The following REV3L variants were observed in gnomAD, a reference collection of about 807,000 sequenced individuals.
The protein encoded by REV3L is REV3 like, DNA directed polymerase zeta catalytic subunit.
REV3L carries 69 observed loss-of-function variants against 299.4 expected under a neutral mutation model. The observed-to-expected ratio is 0.23, with a 90% CI of 0.19 to 0.28. The LOEUF is 0.28. Ranked by LOEUF, REV3L falls within the 10% of genes least tolerant of loss-of-function variation. The pLI, the probability that REV3L is intolerant of heterozygous loss-of-function variation, is 1.00. For synonymous variants in REV3L, 1,238 were observed against 1,271.4 expected (o/e 0.97, Z 0.56); for missense variants, 3,128 against 3,693.8 (o/e 0.85, Z 3.97).
chr6:111,333,002 C>T (rs1775547126), intron 23 of REV3L, 121 bp downstream of exon 23: 2 of 1,099,442 alleles, frequency 1.8e-6, no homozygotes, highest in African/African-American at 3.1e-5. Context: ...AGCTGGGATA[C>T]AGTCCATTTA....
rs756149880 is a variant in REV3L at position 111,375,019 on chromosome 6, A to G, written c.3336T>C (p.Phe1112=). The stretch of plus-strand genomic sequence containing the variant: ...TGGGACTTGTGCTTCTCTCAGAAAG[A>G]AAACCTAGTTTAGACATAACATCAC... ...NYSDVMSKLG[F]LSERSTSPIN... is the part of the protein sequence containing the mutation. The change falls in exon 13 of 32, where the codon TTT becomes TTC. Residue 1112 remains phenylalanine (F), a synonymous_variant. Coordinates refer to ENST00000368802, the MANE Select transcript of REV3L (RefSeq NM_001372078.1). The G allele has an allele frequency of 6.2e-7, 1 of 1,613,722 alleles. No individual in the cohort carries two copies. The highest frequency in any genetic ancestry group is 8.5e-7 in the Non-Finnish European group (1 of 1,179,860).
chr6:111,306,020 A>G (rs1005473268), intron 31 of REV3L, among the ~76,000 whole-genome samples: 6 of 152,226 alleles, frequency 3.9e-5, no homozygotes, highest in East Asian at 1.9e-4. Context: ...CATTTATTCA[A>G]TAAATATTTA....
intron 18 of REV3L, among the ~76,000 whole-genome samples, chr6:111,354,671 C>T (rs1403858918): frequency 1.3e-5 from 2 of 152,084 alleles, no homozygotes; most frequent in Non-Finnish European, 2.9e-5. Flanking sequence ...ATAACAAGGT[C>T]TTGATGACTT....
At chr6:111,326,081 T>C (rs1439184652) in intron 25 of REV3L, among the ~76,000 whole-genome samples, 1 of 152,182 alleles carries the variant, frequency 6.6e-6, no homozygotes, top group Non-Finnish European at 1.5e-5. Context: ...TCCATCCATG[T>C]TTTGCAAATG....
chr6:111,380,008 A>T lies in REV3L; in HGVS notation c.1428T>A (p.Asn476Lys). 6.2e-7 allele frequency: 1 copy of T among 1,613,162 alleles called. No homozygotes were observed. The highest frequency in any genetic ancestry group is 8.5e-7 in the Non-Finnish European group (1 of 1,179,278). The change falls in exon 11 of 32, where the codon AAT becomes AAA. Residue 476 changes from asparagine (N) to lysine (K), a missense_variant. Transcript: ENST00000368802. ...TCTTTTTGGCACAATGTTCTTCAAT[A>T]TTGCTGTCCCATCTCTGGGACATCA... ...SLVMSQRWDSNIEEHCAKKRS... is the reference protein window; with the variant it reads ...SLVMSQRWDSKIEEHCAKKRS...
At chr6:111,317,852 A>G (rs1188090760) in intron 26 of REV3L, among the ~76,000 whole-genome samples, 2 of 152,186 alleles carry the variant, frequency 1.3e-5, no homozygotes, top group East Asian at 1.9e-4. Flanking sequence ...GTACTCTTTT[A>G]TATCTGTCTT....
At chr6:111,463,014 A>G (rs1197906320) in intron 1 of REV3L, among the ~76,000 whole-genome samples, 1 of 152,134 alleles carries the variant, frequency 6.6e-6, no homozygotes, top group Non-Finnish European at 1.5e-5. Flanking sequence ...GAATGAGAGC[A>G]TAAGGTCCTT....
intron 24 of REV3L, among the ~76,000 whole-genome samples, 159 bp from the exon 25 acceptor site, chr6:111,329,897 A>G (rs1286002316): frequency 6.6e-6 from 1 of 152,180 alleles, no homozygotes; most frequent in Non-Finnish European, 1.5e-5. Flanking sequence ...TAAAATCATC[A>G]CATTTTATTT....
At chr6:111,464,040 A>C (rs1385665467) in intron 1 of REV3L, among the ~76,000 whole-genome samples, 1 of 152,194 alleles carries the variant, frequency 6.6e-6, no homozygotes, top group Non-Finnish European at 1.5e-5. Context: ...TAAATCACTA[A>C]AAGTCCTAAG....
chr6:111,396,651 T>C (rs147472626), intron 4 of REV3L, among the ~76,000 whole-genome samples: 24 of 152,268 alleles, frequency 1.6e-4, no homozygotes, highest in East Asian at 5.8e-4. Context: ...ACCTTTAAAT[T>C]ACAGATTCAA....
rs771839710 is a variant in REV3L, at chr6:111,329,732, C to T, written c.8041G>A (p.Val2681Ile). 6.2e-7 allele frequency: 1 copy of T among 1,611,586 alleles called. No individual in the cohort carries two copies. The change falls in exon 25 of 32, where the codon GTA becomes ATA. Residue 2681 changes from valine (V) to isoleucine (I), a missense_variant. Coordinates refer to ENST00000368802, the MANE Select transcript of REV3L (RefSeq NM_001372078.1). ...PNGVAFVKPS[V>I]RKGVLPRMLE... ...ATTCTTGGTAGTACACCTTTTCTTA[C>T]TGAAGGCTATCATAAAGAAAAAAAA... is the stretch of plus-strand genomic sequence containing the variant.
chr6:111,302,284 T>C (rs1414630152), intron 31 of REV3L, among the ~76,000 whole-genome samples: 1 of 152,230 alleles, frequency 6.6e-6, no homozygotes, highest in Non-Finnish European at 1.5e-5. Flanking sequence ...TATTCCCAAA[T>C]ATAGAATTTC....
chr6:111,476,925 T>G (rs1270775472), intron 1 of REV3L, among the ~76,000 whole-genome samples: 1 of 152,208 alleles, frequency 6.6e-6, no homozygotes, highest in African/African-American at 2.4e-5. Flanking sequence ...CTTAATTTTG[T>G]ACATGGTTTT....
intron 2 of REV3L, among the ~76,000 whole-genome samples, chr6:111,412,534 C>T (rs772153889): frequency 1.3e-5 from 2 of 152,036 alleles, no homozygotes; most frequent in Non-Finnish European, 2.9e-5. Context: ...TGTTAATACA[C>T]GGTTAAATCT....
At chr6:111,365,470 G>A in intron 14 of REV3L, 126 bp from the exon 15 acceptor site, 1 of 428,492 alleles carries the variant, frequency 2.3e-6, no homozygotes, top group Non-Finnish European at 4.1e-6. Context: ...ATTCCCCCCA[G>A]AATTTCATAA....
chr6:111,400,598 A>G (rs1782987988), intron 4 of REV3L, among the ~76,000 whole-genome samples: 1 of 152,138 alleles, frequency 6.6e-6, no homozygotes, highest in Admixed American at 6.6e-5. Flanking sequence ...GAATTCTTAT[A>G]TATTTTATAC....
At chr6:111,340,568 CTTCTCA>C (rs1776374878) in intron 21 of REV3L, among the ~76,000 whole-genome samples, 1 of 152,078 alleles carries the variant, frequency 6.6e-6, no homozygotes, top group Non-Finnish European at 1.5e-5. Flanking sequence ...CTAGCAAGTT[CTTCTCA>C]TTCTAAGTCG....
Position 111,333,071 on chromosome 6 carries a change from G to A in REV3L, c.7925+52C>T. The A allele has an allele frequency of 2.5e-6, 4 of 1,589,812 alleles. No homozygotes were observed. The South Asian group carries it at 4.5e-5, about 18-fold the overall frequency. ...GACACTCAGAAAGTGTCTAATTTTA[G>A]TAAGAAGTACAAAGCACAACAATAT... On this transcript the variant is annotated intron_variant, in intron 23 of 31. Transcript: ENST00000368802.
chr6:111,316,688 A>T (rs1339852638), intron 26 of REV3L, among the ~76,000 whole-genome samples: 1 of 152,050 alleles, frequency 6.6e-6, no homozygotes, highest in African/African-American at 2.4e-5. Flanking sequence ...GAAAAAAAAA[A>T]GACAGACATA....
Sources: gnomAD v4.1 joint callset for allele counts (sites outside exome capture counted in the v4.1 genomes callset) on GRCh38, gnomAD v4.1.1 for gene constraint, MANE v1.5 for transcripts, NCBI Gene and HGNC (gene_info 2026-07-23, HGNC 2026-07-21) for gene names.